Variants in GAB3 observed in about 807,000 individuals in gnomAD.
The protein encoded by GAB3 is GRB2-associated-binding protein 3.
A neutral mutation model predicts 40.4 loss-of-function variants in GAB3; 12 were observed. The observed-to-expected ratio is 0.30, with a 90% CI of 0.19 to 0.48. The LOEUF (loss-of-function observed/expected upper bound fraction) is 0.48. GAB3 is among the 20% of genes least tolerant of loss of function. The probability of loss-of-function intolerance (pLI) is 0.99; values close to 1 mark genes in which losing one functional copy is unlikely to be tolerated. For missense variants in GAB3, 381 were observed against 461.9 expected (o/e 0.82, Z 1.61); for synonymous variants, 154 against 176.7 (o/e 0.87, Z 1.02).
At chrX:154,696,187 C>T (rs982102880) in intron 7 of GAB3, 168 bp from the exon 8 acceptor site, 1 of 320,195 alleles carries the variant, frequency 3.1e-6, no homozygotes, top group African/African-American at 2.6e-5. Context: ...ACAGTTTCTG[C>T]TCCACTTTGG....
At chrX:154,693,501 T>A (rs1239142627) in intron 8 of GAB3, among the ~76,000 whole-genome samples, 1 of 111,923 alleles carries the variant, frequency 8.9e-6, no homozygotes, top group African/African-American at 3.2e-5. Context: ...TTTTAAAAGG[T>A]ACCGTATGAT....
intron 4 of GAB3, among the ~76,000 whole-genome samples, chrX:154,707,506 A>G (rs2070830138): frequency 8.9e-6 from 1 of 112,453 alleles, no homozygotes; most frequent in Non-Finnish European, 1.9e-5. Flanking sequence ...ACATCTATTC[A>G]TGACTTTAGA....
At chrX:154,704,528 A>C (rs2070780171) in intron 4 of GAB3, among the ~76,000 whole-genome samples, 1 of 111,828 alleles carries the variant, frequency 8.9e-6, no homozygotes, top group Non-Finnish European at 1.9e-5. Flanking sequence ...ACAAAAATTA[A>C]AAAGAAATAA....
chrX:154,689,519 A>G (rs1379892636), intron 8 of GAB3, among the ~76,000 whole-genome samples: 1 of 109,780 alleles, frequency 9.1e-6, no homozygotes, highest in Non-Finnish European at 1.9e-5. Flanking sequence ...AGAAAACCCC[A>G]TTGTCTCAGC....
intron 1 of GAB3, among the ~76,000 whole-genome samples, chrX:154,726,931 T>C (rs782430606): frequency 1.8e-5 from 2 of 111,826 alleles, no homozygotes; most frequent in Non-Finnish European, 3.8e-5. Flanking sequence ...CAAGTCACCA[T>C]TGTCTTTCAC....
Position 154,750,942 on chromosome X carries a change from G to T in GAB3, c.72+12C>A, listed in dbSNP as rs782069621. ...ACGCGAAGGCCGGGCGGGTGGCGGCGCCCCTACTCACGTAGCGCTGTAGCT... is the reference window on the plus strand; with the variant it reads ...ACGCGAAGGCCGGGCGGGTGGCGGCTCCCCTACTCACGTAGCGCTGTAGCT... On this transcript the variant is annotated intron_variant, in intron 1 of 9. Transcript: ENST00000424127. The T allele has an allele frequency of 1.3e-6, 1 of 782,499 alleles. No individual in the cohort carries two copies. The highest frequency in any genetic ancestry group is 1.5e-6 in the Non-Finnish European group (1 of 655,113). The allele number at this position is 782,499 out of a possible 1,213,427, so 64.5% of individuals were successfully genotyped here.
At chrX:154,731,956 C>G (rs2071297568) in intron 1 of GAB3, among the ~76,000 whole-genome samples, 1 of 112,037 alleles carries the variant, frequency 8.9e-6, no homozygotes, top group African/African-American at 3.3e-5. Context: ...GAGCAAGTTG[C>G]GGTCGGGCAA....
rs1395576779 is a variant in GAB3 at position 154,678,208 on chromosome X, C to T, written c.1734G>A (p.Glu578=). 33 of 1,191,097 alleles carry T rather than the reference C, an allele frequency of 2.8e-5. No individual in the cohort carries two copies. Among genetic ancestry groups the T allele is most frequent in the Non-Finnish European group, 3.6e-5 (32 of 878,949 alleles). Residue 578 remains glutamate (E), a synonymous_variant, in exon 10 of 10, where the codon GAG becomes GAA. Coordinates refer to ENST00000424127, the MANE Select transcript of GAB3 (RefSeq NM_001081573.3). ...CTTTGGATTGCCTTTCATCCGTCCA[C>T]TCCTGTTTTGTGCTCTGGAGAGCCT... The part of the protein sequence containing the change: ...KTQALQSTKQ[E]WTDERQSKV
At chrX:154,683,362 T>C (rs1415270631) in intron 8 of GAB3, among the ~76,000 whole-genome samples, 3 of 112,662 alleles carry the variant, frequency 2.7e-5, no homozygotes, top group African/African-American at 6.4e-5. Context: ...ATGGTTCTCA[T>C]ATCCATTATG....
chrX:154,695,285 T>C (rs1557250383), intron 8 of GAB3, among the ~76,000 whole-genome samples: 2 of 111,729 alleles, frequency 1.8e-5, no homozygotes. Flanking sequence ...CTCAATAGCA[T>C]CCAAGATGAA....
chrX:154,691,705 C>T (rs1009839560), intron 8 of GAB3, among the ~76,000 whole-genome samples: 2 of 111,401 alleles, frequency 1.8e-5, no homozygotes, highest in African/African-American at 6.5e-5. Context: ...TATTAAGTGA[C>T]CCTTAAATGA....
rs183662254 is a variant in GAB3 at position 154,697,265 on chromosome X, G to A, written c.1346-52C>T. The A allele has an allele frequency of 2.1e-3, 1,789 of 841,999 alleles. 4 individuals carry two copies. The highest frequency in any genetic ancestry group is 2.4e-3 in the Non-Finnish European group (1,464 of 604,134). 69.4% of individuals were successfully genotyped at this position (841,999 alleles called of 1,213,427 possible). A position where few individuals can be genotyped will look rare whatever the true frequency, so the allele number is the denominator to read the frequency against. ...AGGTCAAGGCCAGAGTCTAAAGACT[G>A]TAAAACTATGACATTTCACTTTCCC... On this transcript the variant is annotated intron_variant, in intron 6 of 9. Coordinates refer to ENST00000424127, the MANE Select transcript of GAB3 (RefSeq NM_001081573.3).
chrX:154,727,752 T>C (rs2071234042), intron 1 of GAB3, among the ~76,000 whole-genome samples: 1 of 112,050 alleles, frequency 8.9e-6, no homozygotes, highest in South Asian at 3.7e-4. Context: ...CAAGGCATCA[T>C]ACCAGAGTTT....
intron 4 of GAB3, among the ~76,000 whole-genome samples, chrX:154,707,602 T>C (rs1453608837): frequency 8.9e-6 from 1 of 112,030 alleles, no homozygotes; most frequent in African/African-American, 3.2e-5. Context: ...AACCACATTG[T>C]AACGGTGAAA....
rs1557246040 is a variant in GAB3, at chrX:154,678,203, G to A, written c.1739C>T (p.Thr580Met). The change falls in exon 10 of 10, where the codon ACG becomes ATG. Residue 580 changes from threonine (T) to methionine (M), a missense_variant. Physicochemically the swap from Thr to Met is moderately conservative, Grantham distance 81. Transcript: ENST00000424127. The part of the protein sequence containing the change: ...QALQSTKQEW[T>M]DERQSKV ...TCATACTTTGGATTGCCTTTCATCC[G>A]TCCACTCCTGTTTTGTGCTCTGGAG... 4.2e-6 allele frequency: 5 copies of A among 1,181,589 alleles called. No individual in the cohort carries two copies. The highest frequency in any genetic ancestry group is 3.0e-5 in the East Asian group (1 of 33,551).
chrX:154,678,754 T>C (rs187940530), intron 9 of GAB3, among the ~76,000 whole-genome samples: 62 of 112,146 alleles, frequency 5.5e-4, no homozygotes, highest in African/African-American at 1.9e-3. Context: ...CTTTCCCCAT[T>C]TCATTCTGCA....
chrX:154,699,890 G>C lies in GAB3; in HGVS notation c.1125+114C>G, dbSNP rs913468293. On this transcript the variant is annotated intron_variant, in intron 5 of 9. Coordinates refer to ENST00000424127, the MANE Select transcript of GAB3 (RefSeq NM_001081573.3). ...AAGTTCAAGTCTTCAGGGGAGACTGGAAGATTCCTCAGAGACTCAGAGTGC... is the reference window on the plus strand; with the variant it reads ...AAGTTCAAGTCTTCAGGGGAGACTGCAAGATTCCTCAGAGACTCAGAGTGC... The C allele has an allele frequency of 3.1e-5, 20 of 636,692 alleles. No homozygotes were observed. The African/African-American group carries it at 4.2e-4, about 13-fold the overall frequency. 52.5% of individuals were successfully genotyped at this position (636,692 alleles called of 1,213,427 possible). A position where few individuals can be genotyped will look rare whatever the true frequency, so the allele number is the denominator to read the frequency against.
At chrX:154,734,360 T>A (rs1433250222) in intron 1 of GAB3, among the ~76,000 whole-genome samples, 1 of 113,111 alleles carries the variant, frequency 8.8e-6, no homozygotes, top group Non-Finnish European at 1.9e-5. Context: ...GACGTTCTTA[T>A]GTGCAAAGAA....
chrX:154,745,276 G>C (rs1557261871), intron 1 of GAB3, among the ~76,000 whole-genome samples: 3 of 109,420 alleles, frequency 2.7e-5, no homozygotes, highest in Non-Finnish European at 5.7e-5. Flanking sequence ...AGGTTGCAGT[G>C]AGCTAAGATT....
Sources: gnomAD v4.1 joint callset for allele counts (sites outside exome capture counted in the v4.1 genomes callset) on GRCh38, gnomAD v4.1.1 for gene constraint, MANE v1.5 for transcripts, NCBI Gene and HGNC (gene_info 2026-07-23, HGNC 2026-07-21) for gene names.